The following DCC variants were observed in gnomAD, a reference collection of about 807,000 sequenced individuals.
DCC encodes the protein DCC netrin 1 receptor.
A neutral mutation model predicts 172.5 loss-of-function variants in DCC; 58 were observed. That is an observed-to-expected ratio of 0.34 (90% CI 0.27 to 0.42). The LOEUF is 0.42. Ranked by LOEUF, DCC falls within the 10% of genes least tolerant of loss-of-function variation. The probability of loss-of-function intolerance (pLI) is 1.00; values close to 1 mark genes in which losing one functional copy is unlikely to be tolerated. For synonymous variants in DCC, 709 were observed against 644.5 expected (o/e 1.10, Z -1.52); for missense variants, 1,740 against 1,791.0 (o/e 0.97, Z 0.51).
intron 1 of DCC, among the ~76,000 whole-genome samples, chr18:52,411,379 T>C (rs1036952825): frequency 1.3e-5 from 2 of 152,168 alleles, no homozygotes. Context: ...AGATACAGGC[T>C]GTTGGACCCT....
chr18:52,740,157 A>G (rs771098545), intron 1 of DCC, among the ~76,000 whole-genome samples: 1 of 152,144 alleles, frequency 6.6e-6, no homozygotes, highest in Non-Finnish European at 1.5e-5. Context: ...AAATTCCCTT[A>G]CAGTTCTGAC....
At chr18:52,701,035 C>T (rs527620341) in intron 1 of DCC, among the ~76,000 whole-genome samples, 4 of 152,168 alleles carry the variant, frequency 2.6e-5, no homozygotes, top group Admixed American at 1.3e-4. Flanking sequence ...TGATAGCCTC[C>T]GATCAGTGAC....
chr18:52,996,779 T>C (rs1355039783), intron 5 of DCC, among the ~76,000 whole-genome samples: 2 of 149,010 alleles, frequency 1.3e-5, no homozygotes, highest in Admixed American at 6.7e-5. Flanking sequence ...TTTCTTTTTT[T>C]TTTTTTTTTT....
At chr18:52,916,162 T>C (rs886847100) in intron 3 of DCC, among the ~76,000 whole-genome samples, 10 of 151,870 alleles carry the variant, frequency 6.6e-5, no homozygotes, top group Non-Finnish European at 7.4e-5. Flanking sequence ...GGGTTTTGCA[T>C]GGTAAACACT....
chr18:52,762,339 T>A (rs982720980), intron 2 of DCC, among the ~76,000 whole-genome samples: 1 of 151,932 alleles, frequency 6.6e-6, no homozygotes, highest in Non-Finnish European at 1.5e-5. Context: ...CTGGCTATGG[T>A]GGTGCATGCC....
chr18:52,492,017 G>A (rs936454301), intron 1 of DCC, among the ~76,000 whole-genome samples: 4 of 152,046 alleles, frequency 2.6e-5, no homozygotes, highest in Admixed American at 2.6e-4. Context: ...GTGATTAGAT[G>A]TTAGGGGAAA....
chr18:53,207,763 C>G lies in DCC; in HGVS notation c.1807C>G (p.Arg603Gly). ...TAGTCTTCGATTCTTAGCTTATAATCGCTATGGTCCGGGCGTCTCTACTGA... is the reference window on the plus strand; with the variant it reads ...TAGTCTTCGATTCTTAGCTTATAATGGCTATGGTCCGGGCGTCTCTACTGA... ...EYSLRFLAYN[R>G]YGPGVSTDDI... Residue 603 changes from arginine (R) to glycine (G), a missense_variant, in exon 11 of 29, where the codon CGC becomes GGC. By Grantham distance (125) the Arg-to-Gly change is moderately radical. Transcript: ENST00000442544. 6.2e-7 allele frequency: 1 copy of G among 1,613,118 alleles called. No individual in the cohort carries two copies. The highest frequency in any genetic ancestry group is 8.5e-7 in the Non-Finnish European group (1 of 1,179,172).
chr18:53,055,771 C>T (rs182644214), intron 5 of DCC, among the ~76,000 whole-genome samples: 30 of 152,054 alleles, frequency 2.0e-4, no homozygotes, highest in African/African-American at 7.2e-4. Context: ...TCACTTGTCA[C>T]GTAAGAAAAG....
chr18:53,328,260 T>C (rs1176902029), intron 14 of DCC, among the ~76,000 whole-genome samples: 2 of 152,172 alleles, frequency 1.3e-5, no homozygotes, highest in East Asian at 1.9e-4. Flanking sequence ...GACTTTTTTC[T>C]AAGTACCATG....
At chr18:52,656,594 T>C (rs547388224) in intron 1 of DCC, among the ~76,000 whole-genome samples, 1 of 152,142 alleles carries the variant, frequency 6.6e-6, no homozygotes, top group Non-Finnish European at 1.5e-5. Context: ...AAAAGAGAAG[T>C]GGGAAGTGGT....
intron 7 of DCC, among the ~76,000 whole-genome samples, chr18:53,067,933 T>C (rs1379653041): frequency 6.6e-6 from 1 of 152,228 alleles, no homozygotes; most frequent in African/African-American, 2.4e-5. Context: ...CCCAGCCAGT[T>C]AGCTGAAGAT....
chr18:52,773,897 T>C (rs919295812), intron 2 of DCC, among the ~76,000 whole-genome samples: 6 of 152,096 alleles, frequency 3.9e-5, no homozygotes, highest in Non-Finnish European at 7.4e-5. Context: ...GTAGGAAAGA[T>C]AAATCAGATA....
chr18:52,564,832 T>C (rs1361199409), intron 1 of DCC, among the ~76,000 whole-genome samples: 1 of 152,030 alleles, frequency 6.6e-6, no homozygotes, highest in Non-Finnish European at 1.5e-5. Flanking sequence ...CTTTGTAGTC[T>C]AGAGAGAATA....
chr18:52,495,440 G>T (rs1001077950), intron 1 of DCC, among the ~76,000 whole-genome samples: 1 of 152,074 alleles, frequency 6.6e-6, no homozygotes, highest in Non-Finnish European at 1.5e-5. Flanking sequence ...CAAGAGAGAA[G>T]TTTCTTTAGA....
At chr18:53,072,904 C>T (rs2042675079) in intron 7 of DCC, among the ~76,000 whole-genome samples, 1 of 152,076 alleles carries the variant, frequency 6.6e-6, no homozygotes, top group South Asian at 2.1e-4. Context: ...TAACTCCAAG[C>T]CTTAATATTA....
chr18:52,594,073 T>C (rs1014688902), intron 1 of DCC, among the ~76,000 whole-genome samples: 1 of 152,324 alleles, frequency 6.6e-6, no homozygotes, highest in East Asian at 1.9e-4. Flanking sequence ...CAAAGGGGCA[T>C]TCTTTCTTCT....
chr18:52,896,811 T>A (rs1352130630), intron 2 of DCC, among the ~76,000 whole-genome samples: 1 of 152,164 alleles, frequency 6.6e-6, no homozygotes, highest in African/African-American at 2.4e-5. Context: ...GGACACGTTG[T>A]AGTTCATGTC....
intron 1 of DCC, among the ~76,000 whole-genome samples, chr18:52,371,504 T>G (rs1568137284): frequency 1.3e-5 from 2 of 152,196 alleles, no homozygotes; most frequent in South Asian, 4.1e-4. Context: ...TACTAAGAGG[T>G]TTCAGAACGA....
At chr18:52,699,809 C>A (rs948508860) in intron 1 of DCC, among the ~76,000 whole-genome samples, 1 of 151,942 alleles carries the variant, frequency 6.6e-6, no homozygotes, top group Non-Finnish European at 1.5e-5. Flanking sequence ...AACTCTAGTC[C>A]CATATCCCCA....
Sources: allele counts gnomAD v4.1 joint callset (sites outside exome capture counted in the v4.1 genomes callset), GRCh38; gene constraint gnomAD v4.1.1; transcripts MANE v1.5; gene names NCBI Gene and HGNC (gene_info 2026-07-23, HGNC 2026-07-21).